The following LETM1 variants were observed in gnomAD, a reference collection of about 807,000 sequenced individuals.
LETM1 encodes mitochondrial proton/calcium exchanger protein.
LETM1 carries 50 observed loss-of-function variants against 74.5 expected under a neutral mutation model. The ratio of observed to expected loss-of-function variants is 0.67; its 90% CI spans 0.53 to 0.85. The LOEUF is 0.85. Among genes scored for constraint, LETM1 ranks in the 40% least tolerant of loss-of-function variants. The pLI is 0.00. For synonymous variants in LETM1, 446 were observed against 407.1 expected (o/e 1.10, Z -1.15); for missense variants, 824 against 967.8 (o/e 0.85, Z 1.97).
At position 1,832,944 on chromosome 4, in the gene LETM1, G is replaced by A. The variant is rs758429351; in HGVS notation, c.880C>T (p.Arg294Trp). 7 of 1,612,054 alleles carry A rather than the reference G, an allele frequency of 4.3e-6. No individual in the cohort carries two copies. Among genetic ancestry groups the A allele is most frequent in the South Asian group, 1.1e-5 (1 of 90,990 alleles). Residue 294 changes from arginine to tryptophan, a missense_variant, in exon 6 of 14, where the codon CGG becomes TGG. By Grantham distance (101) the Arg-to-Trp change is moderately radical. Around this residue, in one of 4 missense-constraint regions of LETM1, gnomAD observed 269 missense variants for 348.8 expected, o/e 0.77. Coordinates refer to ENST00000302787, the MANE Select transcript of LETM1 (RefSeq NM_012318.3). ...TTGCTGGGCCTCTCCCCTGTTTCCC[G>A]GATCTGCGGAAGTGGTCACAAGGGT... is the stretch of plus-strand genomic sequence containing the variant. The part of the protein sequence containing the change: ...KDFSVFFQKI[R>W]ETGERPSNEE...
chr4:1,822,316 AAAGGC>A lies in LETM1; in HGVS notation c.1477-9_1477-5del. ...CACGTTCGGGCTCAAAATCCTTCTG[AAAGGC>A]AAGGCGACACCAGCCCAGCGCCCGC... On this transcript the variant is annotated splice_region_variant and splice_polypyrimidine_tract_variant and intron_variant, in intron 9 of 13. Coordinates refer to ENST00000302787, the MANE Select transcript of LETM1 (RefSeq NM_012318.3). 1 of 1,493,410 alleles carries A rather than the reference AAAGGC, an allele frequency of 6.7e-7. No homozygotes were observed. Among genetic ancestry groups the A allele is most frequent in the Non-Finnish European group, 9.0e-7 (1 of 1,113,490 alleles). 92.5% of individuals were successfully genotyped at this position (1,493,410 alleles called of 1,614,324 possible).
In LETM1 at chr4:1,841,598, G is replaced by A. The variant is rs757270297; in HGVS notation, c.343C>T (p.Arg115Cys). 3.9e-5 allele frequency: 63 copies of A among 1,614,046 alleles called. No individual in the cohort carries two copies. In the South Asian group the frequency reaches 6.0e-4, roughly 15 times the overall value. The change falls in exon 3 of 14, where the codon CGC (arginine) becomes TGC (cysteine). Residue 115 changes from arginine to cysteine, a missense_variant. By Grantham distance (180) the Arg-to-Cys change is radical. Transcript: ENST00000302787. ...GACTTCTCTACTACCGAGTCATCGC[G>A]AACAGGGCGCGAAGAGTGCCAGCCA... ...VRGWHSSRPVRDDSVVEKSLK... is the reference protein window; with the variant it reads ...VRGWHSSRPVCDDSVVEKSLK...
rs1713223402 is a variant in LETM1, at chr4:1,855,855, T to A, written c.82+14A>T. 1 of 1,222,832 alleles carries A rather than the reference T, an allele frequency of 8.2e-7. No homozygotes were observed. The highest frequency in any genetic ancestry group is 1.6e-5 in the African/African-American group (1 of 63,242). The allele number at this position is 1,222,832 out of a possible 1,614,324, so 75.7% of individuals were successfully genotyped here. On this transcript the variant is annotated intron_variant, in intron 1 of 13. Transcript: ENST00000302787. ...GCCGGGAGCCGGCCCCGCCCTGGGG[T>A]GCCCGCCGCTTACCCCGCGGGACGG...
Position 1,822,328 on chromosome 4 carries a change from A to G in LETM1, c.1477-16T>C. ...CAAAATCCTTCTGAAAGGCAAGGCG[A>G]CACCAGCCCAGCGCCCGCCATCACA... On this transcript the variant is annotated splice_polypyrimidine_tract_variant and intron_variant, in intron 9 of 13. Coordinates refer to ENST00000302787, the MANE Select transcript of LETM1 (RefSeq NM_012318.3). 6.8e-7 allele frequency: 1 copy of G among 1,473,490 alleles called. No individual in the cohort carries two copies. The highest frequency in any genetic ancestry group is 1.4e-5 in the South Asian group (1 of 71,192). The allele number at this position is 1,473,490 out of a possible 1,614,324, so 91.3% of individuals were successfully genotyped here.
In LETM1 at chr4:1,819,403, T is replaced by A. The variant is rs1252131103; in HGVS notation, c.1678A>T (p.Lys560Ter). ...TCCTCCTTCTCCTTGGTGAGTGACTTCTTCTGCTCCTGCAGCTTAGAGCAG... is the reference window on the plus strand; with the variant it reads ...TCCTCCTTCTCCTTGGTGAGTGACTACTTCTGCTCCTGCAGCTTAGAGCAG... Reference protein sequence around the residue: ...DACSKLQEQKKSLTKEKEELE... With the variant: ...DACSKLQEQK Residue 560 changes from lysine to a stop codon, truncating the protein, a stop_gained, in exon 11 of 14, where the codon AAG becomes TAG. Coordinates refer to ENST00000302787, the MANE Select transcript of LETM1 (RefSeq NM_012318.3). LOFTEE classifies it high-confidence loss of function. 1.9e-6 allele frequency: 3 copies of A among 1,613,862 alleles called. No homozygotes were observed. The highest frequency in any genetic ancestry group is 2.2e-5 in the East Asian group (1 of 44,868).
Position 1,823,669 on chromosome 4 carries a change from G to A in LETM1, c.1307C>T (p.Thr436Ile), listed in dbSNP as rs1171700153. 4 of 1,613,904 alleles carry A rather than the reference G, an allele frequency of 2.5e-6. No individual in the cohort carries two copies. The highest frequency in any genetic ancestry group is 3.4e-6 in the Non-Finnish European group (4 of 1,180,010). ...CACAATCTCTGGGAGGGTCTGCAGT[G>A]TGGACTTGAGCTGGTCGGCTGGAGA... Reference protein sequence around the residue: ...TLSPADQLKSTLQTLPEIVAK... With the variant: ...TLSPADQLKSILQTLPEIVAK... Residue 436 changes from threonine (T) to isoleucine (I), a missense_variant, in exon 8 of 14, where the codon ACA becomes ATA. This residue lies in a region of LETM1 where 172 missense variants were observed against 170.7 expected (regional missense o/e 1.01). Transcript: ENST00000302787.
intron 7 of LETM1, among the ~76,000 whole-genome samples, chr4:1,824,628 A>G (rs1197172915): frequency 6.6e-6 from 1 of 152,188 alleles, no homozygotes; most frequent in Non-Finnish European, 1.5e-5. Context: ...AGAGGTGGGT[A>G]GAGAAGGAAA....
In LETM1 at chr4:1,822,266, C is replaced by A; in HGVS notation, c.1523G>T (p.Gly508Val). 1 of 1,541,400 alleles carries A rather than the reference C, an allele frequency of 6.5e-7. No individual in the cohort carries two copies. Among genetic ancestry groups the A allele is most frequent in the Non-Finnish European group, 8.8e-7 (1 of 1,136,636 alleles). ...AGGCATTTCTGGCTGTGGCTCGGTC[C>A]CCGGCCTTTGGGGAGCAGCTACCAC... ...ERVVAAPQRP[G>V]TEPQPEMPDT... Residue 508 changes from glycine (G) to valine (V), a missense_variant, in exon 10 of 14, where the codon GGG (glycine) becomes GTG (valine). This residue lies in a region of LETM1 where 172 missense variants were observed against 170.7 expected (regional missense o/e 1.01). Coordinates refer to ENST00000302787, the MANE Select transcript of LETM1 (RefSeq NM_012318.3).
chr4:1,841,620 G>A lies in LETM1; in HGVS notation c.321C>T (p.Gly107=). The change falls in exon 3 of 14, where the codon GGC becomes GGT. Residue 107 remains glycine, a synonymous_variant. Coordinates refer to ENST00000302787, the MANE Select transcript of LETM1 (RefSeq NM_012318.3). The part of the protein sequence containing the change: ...AVGPQCLPVR[G]WHSSRPVRDD... The stretch of plus-strand genomic sequence containing the variant: ...CGCGAACAGGGCGCGAAGAGTGCCA[G>A]CCACGCACAGGAAGGCACTGAGGTC... 1.2e-6 allele frequency: 2 copies of A among 1,614,216 alleles called. No homozygotes were observed. The highest frequency in any genetic ancestry group is 8.5e-7 in the Non-Finnish European group (1 of 1,180,034).
At chr4:1,851,154 G>C (rs181653489) in intron 1 of LETM1, among the ~76,000 whole-genome samples, 8 of 152,296 alleles carry the variant, frequency 5.3e-5, no homozygotes, top group Admixed American at 5.2e-4. Flanking sequence ...CTGGGAACAA[G>C]ACAGGAATAG....
chr4:1,831,881 AG>A (rs1712283515), intron 6 of LETM1, among the ~76,000 whole-genome samples: 1 of 152,240 alleles, frequency 6.6e-6, no homozygotes, highest in African/African-American at 2.4e-5. Flanking sequence ...CAAAAGAAAA[AG>A]GCCTACGGAC....
intron 13 of LETM1, among the ~76,000 whole-genome samples, chr4:1,815,346 C>T (rs959981204): frequency 6.6e-6 from 1 of 152,152 alleles, no homozygotes; most frequent in Non-Finnish European, 1.5e-5. Flanking sequence ...CCCTCAGCGT[C>T]GGGGGCCCCT....
chr4:1,849,607 A>C (rs1713000820), intron 1 of LETM1, among the ~76,000 whole-genome samples: 2 of 151,982 alleles, frequency 1.3e-5, no homozygotes, highest in South Asian at 4.1e-4. Context: ...CCCAGGCTGG[A>C]ATGCAGTGGT....
intron 11 of LETM1, 86 bp downstream of exon 11, chr4:1,819,252 C>A: frequency 3.0e-6 from 4 of 1,339,004 alleles, no homozygotes; most frequent in South Asian, 1.4e-5. Context: ...AAGTATCTGA[C>A]GGAAGTATTA....
intron 6 of LETM1, among the ~76,000 whole-genome samples, chr4:1,829,282 C>T (rs1712168430): frequency 6.8e-6 from 1 of 147,972 alleles, no homozygotes; most frequent in Non-Finnish European, 1.5e-5. Flanking sequence ...CCTCACTTCC[C>T]AGTAGGGGCG....
chr4:1,843,063 C>T (rs1177642974), intron 2 of LETM1: 5 of 333,648 alleles, frequency 1.5e-5, no homozygotes, highest in Non-Finnish European at 2.4e-5. Context: ...TCCATCAGCT[C>T]TCTGTGCATG....
At chr4:1,817,228 G>A (rs1256710932) in intron 11 of LETM1, among the ~76,000 whole-genome samples, 1 of 115,022 alleles carries the variant, frequency 8.7e-6, no homozygotes, top group Non-Finnish European at 1.6e-5. Context: ...CTGGGCAACA[G>A]AGCGAGACTC....
Position 1,834,493 on chromosome 4 carries a change from G to A in LETM1, c.876+352C>T. 9.4e-7 allele frequency: 1 copy of A among 1,066,772 alleles called. No homozygotes were observed. The highest frequency in any genetic ancestry group is 1.1e-6 in the Non-Finnish European group (1 of 880,362). The allele number at this position is 1,066,772 out of a possible 1,614,324, so 66.1% of individuals were successfully genotyped here. On this transcript the variant is annotated intron_variant, in intron 5 of 13. Coordinates refer to ENST00000302787, the MANE Select transcript of LETM1 (RefSeq NM_012318.3). This position sits in a 1 kb window ranked among gnomAD's most constrained non-coding sequence, Gnocchi z 5.0. ...TCTTCTTGACTGACTCCAGCCAGAG[G>A]GCAATGCCCAGCAGAGGAGCCCGGC...
chr4:1,836,006 T>C lies in LETM1; in HGVS notation c.738+423A>G, dbSNP rs1170735457. On this transcript the variant is annotated intron_variant, in intron 4 of 13. Transcript: ENST00000302787. This position sits in a 1 kb window ranked among gnomAD's most constrained non-coding sequence, Gnocchi z 5.8. Reference sequence around the variant, plus strand: ...AAGAGGATCACTTAAGTCCAGGAACTTGAGGCTGCAGTGAGCCGTGATCGC... The same window carrying C: ...AAGAGGATCACTTAAGTCCAGGAACCTGAGGCTGCAGTGAGCCGTGATCGC... Among the ~76,000 whole-genome samples, 1 of 152,110 alleles carries C rather than the reference T, an allele frequency of 6.6e-6. No homozygotes were observed. Among genetic ancestry groups the C allele is most frequent in the Non-Finnish European group, 1.5e-5 (1 of 68,016 alleles).
Sources: allele counts gnomAD v4.1 joint callset (sites outside exome capture counted in the v4.1 genomes callset), GRCh38; gene constraint gnomAD v4.1.1; regional missense constraint gnomAD v4.1.1; non-coding constraint Gnocchi (gnomAD v3.1); transcripts MANE v1.5; gene names NCBI Gene and HGNC (gene_info 2026-07-23, HGNC 2026-07-21).